Variants in COL7A1 observed in about 807,000 individuals in gnomAD.
The protein encoded by COL7A1 is collagen alpha-1(VII) chain.
In COL7A1, 296 loss-of-function variants were observed where a neutral mutation model predicts 456.2. That is an observed-to-expected ratio of 0.65 (90% CI 0.59 to 0.71). The LOEUF (loss-of-function observed/expected upper bound fraction) is 0.71, where lower values mean the gene tolerates loss of function less well. Among genes scored for constraint, COL7A1 ranks in the 30% least tolerant of loss-of-function variants. COL7A1 has a pLI of 0.00. For missense variants in COL7A1, 3,441 were observed against 4,017.2 expected (o/e 0.86, Z 3.88); for synonymous variants, 1,464 against 1,525.9 (o/e 0.96, Z 0.95).
rs377080229 is a variant in COL7A1, at chr3:48,566,993, G to A, written c.8140C>T (p.Pro2714Ser). 2 of 1,612,544 alleles carry A rather than the reference G, an allele frequency of 1.2e-6. No homozygotes were observed. Among genetic ancestry groups the A allele is most frequent in the African/African-American group, 2.7e-5 (2 of 74,798 alleles). ...GTPGIGGFPG[P>S]SGNDGSAGPP... ...CCAGCAGAGCCATCATTTCCACTGG[G>A]GCCTGGGAAGCCCCCAATTCCTGGG... is the stretch of plus-strand genomic sequence containing the variant. The change falls in exon 111 of 119, where the codon CCC becomes TCC. Residue 2714 changes from proline to serine, a missense_variant. By Grantham distance (74) the Pro-to-Ser change is moderately conservative. This residue lies in a region of COL7A1 where 2,084 missense variants were observed against 2,501.3 expected (regional missense o/e 0.83). Transcript: ENST00000681320. The surrounding 1 kb of genome is among the most constrained non-coding windows in gnomAD (Gnocchi z 5.9).
chr3:48,570,395 G>A lies in COL7A1; in HGVS notation c.7381-61C>T. The stretch of plus-strand genomic sequence containing the variant: ...GAATCAGTGGGGGACGCAGGGTCAT[G>A]GGAGGTCAGTGGAGGCTGAAGGGGG... On this transcript the variant is annotated intron_variant, in intron 97 of 118. Coordinates refer to ENST00000681320, the MANE Select transcript of COL7A1 (RefSeq NM_000094.4). This position sits in a 1 kb window ranked among gnomAD's most constrained non-coding sequence, Gnocchi z 5.5. 1 of 1,613,928 alleles carries A rather than the reference G, an allele frequency of 6.2e-7. No homozygotes were observed. Among genetic ancestry groups the A allele is most frequent in the Non-Finnish European group, 8.5e-7 (1 of 1,179,822 alleles).
Position 48,564,086 on chromosome 3 carries a change from G to A in COL7A1, c.*320C>T. 2.2e-6 allele frequency: 1 copy of A among 455,742 alleles called. No individual in the cohort carries two copies. Among genetic ancestry groups the A allele is most frequent in the Non-Finnish European group, 4.1e-6 (1 of 245,134 alleles). 28.2% of individuals were successfully genotyped at this position (455,742 alleles called of 1,614,324 possible). A position where few individuals can be genotyped will look rare whatever the true frequency, so the allele number is the denominator to read the frequency against. Reference sequence around the variant, plus strand: ...GTCACAACAGGAGCCTTTTAAAACAGCAGCTTTAATGCCCCCCAGAATCAG... The same window carrying A: ...GTCACAACAGGAGCCTTTTAAAACAACAGCTTTAATGCCCCCCAGAATCAG... On this transcript the variant is annotated 3_prime_UTR_variant, in exon 119 of 119. Transcript: ENST00000681320. This position sits in a 1 kb window ranked among gnomAD's most constrained non-coding sequence, Gnocchi z 6.0.
chr3:48,579,953 G>C lies in COL7A1; in HGVS notation c.5124+78C>G. ...GTGGGGGAAGTGGGAGTTAGTGGAA[G>C]GAATGAGGGGACATGATGTGGAGCC... On this transcript the variant is annotated intron_variant, in intron 57 of 118. Transcript: ENST00000681320. This position sits in a 1 kb window ranked among gnomAD's most constrained non-coding sequence, Gnocchi z 4.4. The C allele has an allele frequency of 6.2e-7, 1 of 1,607,704 alleles. No homozygotes were observed. Among genetic ancestry groups the C allele is most frequent in the Non-Finnish European group, 8.5e-7 (1 of 1,174,270 alleles).
In COL7A1 at chr3:48,581,632, C is replaced by T; in HGVS notation, c.4723G>A (p.Gly1575Ser). 1 of 1,614,160 alleles carries T rather than the reference C, an allele frequency of 6.2e-7. No individual in the cohort carries two copies. Residue 1575 changes from glycine (G) to serine (S), a missense_variant and splice_region_variant, in exon 50 of 119, where the codon GGC becomes AGC. Physicochemically the swap from Gly to Ser is moderately conservative, Grantham distance 56 (BLOSUM62 0). This residue lies in a region of COL7A1 where 2,084 missense variants were observed against 2,501.3 expected (regional missense o/e 0.83). Transcript: ENST00000681320. The surrounding 1 kb of genome is among the most constrained non-coding windows in gnomAD (Gnocchi z 5.8). ...RGATGVQGER[G>S]PPGLVLPGDP... ...CCAGGAAGAACCAAGCCGGGTGGGC[C>T]CTGTGGATGGAAGGATAAGAAGTCA...
In COL7A1 at chr3:48,567,645, A is replaced by G. The variant is rs2107635306; in HGVS notation, c.7984-9T>C. On this transcript the variant is annotated splice_polypyrimidine_tract_variant and intron_variant, in intron 108 of 118. Coordinates refer to ENST00000681320, the MANE Select transcript of COL7A1 (RefSeq NM_000094.4). This position sits in a 1 kb window ranked among gnomAD's most constrained non-coding sequence, Gnocchi z 4.3. ...GGCACACCAGGCTCCCCCTGGAGAA[A>G]AAAAGACATGAACTTGGCCCCCGTC... 2 of 1,614,044 alleles carry G rather than the reference A, an allele frequency of 1.2e-6. No homozygotes were observed. Among genetic ancestry groups the G allele is most frequent in the Admixed American group, 3.3e-5 (2 of 60,022 alleles).
In COL7A1 at chr3:48,587,700, A is replaced by C. The variant is rs1323410167; in HGVS notation, c.2857+93T>G. On this transcript the variant is annotated intron_variant, in intron 22 of 118. Transcript: ENST00000681320. This position sits in a 1 kb window ranked among gnomAD's most constrained non-coding sequence, Gnocchi z 6.1. ...CACCCAGGGTCAGAGGGTGAGGGGT[A>C]GGGGTACAGGAGGAGTCACTCAGAG... The C allele has an allele frequency of 1.5e-5, 24 of 1,602,310 alleles. No individual in the cohort carries two copies. Among genetic ancestry groups the C allele is most frequent in the Non-Finnish European group, 1.6e-5 (19 of 1,170,432 alleles).
In COL7A1 at chr3:48,575,682, C is replaced by T. The variant is rs2229821; in HGVS notation, c.5923G>A (p.Glu1975Lys). Residue 1975 changes from glutamate to lysine, a missense_variant, in exon 73 of 119, where the codon GAA becomes AAA. Transcript: ENST00000681320. The surrounding 1 kb of genome is among the most constrained non-coding windows in gnomAD (Gnocchi z 6.3). ...TCCCCCTTGGGGCCTCGACGCCGTT[C>T]GGGCACAGGCAGGAAGCTACCAGAG... is the stretch of plus-strand genomic sequence containing the variant. ...ESSGSFLPVPERRRGPKGDSG... is the reference protein window; with the variant it reads ...ESSGSFLPVPKRRRGPKGDSG... 1.1e-5 allele frequency: 18 copies of T among 1,613,694 alleles called. No homozygotes were observed. The highest frequency in any genetic ancestry group is 4.5e-5 in the East Asian group (2 of 44,886).
At position 48,574,378 on chromosome 3, in the gene COL7A1, G is replaced by A. The variant is rs907331395; in HGVS notation, c.6457-72C>T. On this transcript the variant is annotated intron_variant, in intron 79 of 118. Coordinates refer to ENST00000681320, the MANE Select transcript of COL7A1 (RefSeq NM_000094.4). The surrounding 1 kb of genome is among the most constrained non-coding windows in gnomAD (Gnocchi z 5.0). ...CCTCCACCCACCATCCCCCTAGACA[G>A]AGTCAGGACCCAGACAGTCCCAGGC... The A allele has an allele frequency of 2.5e-6, 4 of 1,612,874 alleles. No homozygotes were observed. The African/African-American group carries it at 5.3e-5, about 22-fold the overall frequency.
Position 48,590,619 on chromosome 3 carries a change from C to T in COL7A1, c.1781-35G>A. The stretch of plus-strand genomic sequence containing the variant: ...ACAGACAGAAGTCAGAAGTCAGAAC[C>T]AGGACCAGAGTGAGGCAGGCAGCTG... On this transcript the variant is annotated intron_variant, in intron 14 of 118. Coordinates refer to ENST00000681320, the MANE Select transcript of COL7A1 (RefSeq NM_000094.4). This position sits in a 1 kb window ranked among gnomAD's most constrained non-coding sequence, Gnocchi z 4.6. The T allele has an allele frequency of 6.2e-7, 1 of 1,614,042 alleles. No homozygotes were observed. The highest frequency in any genetic ancestry group is 8.5e-7 in the Non-Finnish European group (1 of 1,180,028).
Position 48,579,131 on chromosome 3 carries a change from GGGT to G in COL7A1, c.5388+63_5388+65del. 6.3e-7 allele frequency: 1 copy of G among 1,580,644 alleles called. No homozygotes were observed. The highest frequency in any genetic ancestry group is 8.7e-7 in the Non-Finnish European group (1 of 1,152,404). On this transcript the variant is annotated intron_variant, in intron 62 of 118. Coordinates refer to ENST00000681320, the MANE Select transcript of COL7A1 (RefSeq NM_000094.4). The surrounding 1 kb of genome is among the most constrained non-coding windows in gnomAD (Gnocchi z 4.4). ...AGGCCAAGACCAACCAATGAGGCTG[GGGT>G]CTAGGGTCCTCATGTGAAGGGGTAG...
Position 48,569,414 on chromosome 3 carries a change from GTCACCATCCAAGCCCCGAGGCCCTCGT to G in COL7A1, c.7620_7646del (p.Glu2540_Gly2548del), listed in dbSNP as rs1208133474. The stretch of plus-strand genomic sequence containing the variant: ...CCCCATTGTCTCCCCGAGGTCCTTT[GTCACCATCCAAGCCCCGAGGCCCTCGT>G]TCACCCTGGGTTGGTTTGGGTAAGA... On this transcript the variant is annotated inframe_deletion, in exon 103 of 119. Coordinates refer to ENST00000681320, the MANE Select transcript of COL7A1 (RefSeq NM_000094.4). This position sits in a 1 kb window ranked among gnomAD's most constrained non-coding sequence, Gnocchi z 4.9. 7 of 1,614,110 alleles carry G rather than the reference GTCACCATCCAAGCCCCGAGGCCCTCGT, an allele frequency of 4.3e-6. No homozygotes were observed. The highest frequency in any genetic ancestry group is 1.6e-4 in the Middle Eastern group (1 of 6,062).
chr3:48,565,236 C>G lies in COL7A1; in HGVS notation c.8528-35G>C. On this transcript the variant is annotated intron_variant, in intron 116 of 118. Transcript: ENST00000681320. The surrounding 1 kb of genome is among the most constrained non-coding windows in gnomAD (Gnocchi z 4.5). ...GGGCAGGGTGTGCTGGGAGCAGTGG[C>G]TGCTGGCCCCGGGGCAAGGTGGGCA... is the stretch of plus-strand genomic sequence containing the variant. The G allele has an allele frequency of 3.8e-6, 6 of 1,595,024 alleles. No individual in the cohort carries two copies. The highest frequency in any genetic ancestry group is 4.3e-6 in the Non-Finnish European group (5 of 1,166,050).
rs966915530 is a variant in COL7A1, at chr3:48,586,918, G to T, written c.3276+54C>A. Reference sequence around the variant, plus strand: ...GTCAGGAGATGGTAACTGGTATGGAGCCTGGGTGGGGGGCCTCAGGGAGAG... The same window carrying T: ...GTCAGGAGATGGTAACTGGTATGGATCCTGGGTGGGGGGCCTCAGGGAGAG... On this transcript the variant is annotated intron_variant, in intron 25 of 118. Transcript: ENST00000681320. This position sits in a 1 kb window ranked among gnomAD's most constrained non-coding sequence, Gnocchi z 5.1. The T allele has an allele frequency of 1.9e-6, 3 of 1,557,854 alleles. No individual in the cohort carries two copies. In the African/African-American group the frequency reaches 4.1e-5, roughly 21 times the overall value.
rs2045920326 is a variant in COL7A1 at position 48,594,349 on chromosome 3, C to T, written c.266+19G>A. On this transcript the variant is annotated intron_variant, in intron 3 of 118. Coordinates refer to ENST00000681320, the MANE Select transcript of COL7A1 (RefSeq NM_000094.4). The surrounding 1 kb of genome is among the most constrained non-coding windows in gnomAD (Gnocchi z 5.5). ...TGGTGGGGATCTCGTGGTCCCCAGC[C>T]CCCAGGGCCCCTACTCACCGTGGGT... is the stretch of plus-strand genomic sequence containing the variant. 6.2e-7 allele frequency: 1 copy of T among 1,605,812 alleles called. No homozygotes were observed. The highest frequency in any genetic ancestry group is 1.1e-5 in the South Asian group (1 of 90,740).
Position 48,584,769 on chromosome 3 carries a change from C to T in COL7A1, c.4012G>A (p.Gly1338Arg), listed in dbSNP as rs1156352791. 2 of 1,614,012 alleles carry T rather than the reference C, an allele frequency of 1.2e-6. No homozygotes were observed. The highest frequency in any genetic ancestry group is 1.7e-5 in the Admixed American group (1 of 60,030). The change falls in exon 35 of 119, where the codon GGA (glycine) becomes AGA (arginine). Residue 1338 changes from glycine (G) to arginine (R), a missense_variant and splice_region_variant. Coordinates refer to ENST00000681320, the MANE Select transcript of COL7A1 (RefSeq NM_000094.4). ...PGLPGPRGDPGERGPRGPKGE... is the reference protein window; with the variant it reads ...PGLPGPRGDPRERGPRGPKGE... Reference sequence around the variant, plus strand: ...TTTGGGCCTCGAGGTCCTCGCTCTCCCTGAGGACGAAACAGAGCAGAGGGT... The same window carrying T: ...TTTGGGCCTCGAGGTCCTCGCTCTCTCTGAGGACGAAACAGAGCAGAGGGT...
chr3:48,587,976 G>A lies in COL7A1; in HGVS notation c.2711-37C>T, dbSNP rs1222633933. 6.4e-7 allele frequency: 1 copy of A among 1,556,528 alleles called. No individual in the cohort carries two copies. Among genetic ancestry groups the A allele is most frequent in the Non-Finnish European group, 8.7e-7 (1 of 1,149,914 alleles). ...GTGAGGGTGGGGGCCAAGAGCATGT[G>A]GGATAGTGACACCTGGGGGCATTAA... On this transcript the variant is annotated intron_variant, in intron 21 of 118. Transcript: ENST00000681320. This position sits in a 1 kb window ranked among gnomAD's most constrained non-coding sequence, Gnocchi z 6.1.
rs1172452393 is a variant in COL7A1, at chr3:48,590,560, G to A, written c.1805C>T (p.Pro602Leu). Residue 602 changes from proline (P) to leucine (L), a missense_variant, in exon 15 of 119, where the codon CCA becomes CTA. By Grantham distance (98) the Pro-to-Leu change is moderately conservative (BLOSUM62 -3). Transcript: ENST00000681320. The surrounding 1 kb of genome is among the most constrained non-coding windows in gnomAD (Gnocchi z 4.6). ...RREPETPLAV[P>L]GLRVVVSDAT... ...ATCTGACACCACAACCCGCAGCCCT[G>A]GAACAGCAAGTGGAGTTTCCGGCTC... The A allele has an allele frequency of 6.2e-7, 1 of 1,614,154 alleles. No individual in the cohort carries two copies. The highest frequency in any genetic ancestry group is 1.7e-5 in the Admixed American group (1 of 60,030).
intron 44 of COL7A1, 44 bp from the exon 45 acceptor site, chr3:48,582,697 G>T: frequency 6.2e-7 from 1 of 1,607,024 alleles, no homozygotes; most frequent in South Asian, 1.1e-5. Flanking sequence ...GGTGGGGACG[G>T]GGGATATGGA....
At position 48,581,940 on chromosome 3, in the gene COL7A1, G is replaced by C. The variant is rs759656415; in HGVS notation, c.4639C>G (p.Pro1547Ala). 4 of 1,613,860 alleles carry C rather than the reference G, an allele frequency of 2.5e-6. No homozygotes were observed. Among genetic ancestry groups the C allele is most frequent in the African/African-American group, 1.3e-5 (1 of 74,912 alleles). Residue 1547 changes from proline to alanine, a missense_variant, in exon 48 of 119, where the codon CCT becomes GCT. Coordinates refer to ENST00000681320, the MANE Select transcript of COL7A1 (RefSeq NM_000094.4). This position sits in a 1 kb window ranked among gnomAD's most constrained non-coding sequence, Gnocchi z 5.8. ...TCTCCTTTGGGTCCAGCAACAGCAG[G>C]TCCCTGAAAACAAACAGGACAGATA... ...GRPGDPAVVGPAVAGPKGEKG... is the reference protein window; with the variant it reads ...GRPGDPAVVGAAVAGPKGEKG...
Sources: gnomAD v4.1 joint callset for allele counts on GRCh38, gnomAD v4.1.1 for gene constraint, gnomAD v4.1.1 regional missense constraint, Gnocchi (gnomAD v3.1) non-coding constraint, MANE v1.5 for transcripts, NCBI Gene and HGNC (gene_info 2026-07-23, HGNC 2026-07-21) for gene names.